The following ARHGAP21 variants were observed in gnomAD, a reference collection of about 807,000 sequenced individuals.
The protein encoded by ARHGAP21 is rho GTPase-activating protein 21.
ARHGAP21 carries 38 observed loss-of-function variants against 164.6 expected under a neutral mutation model. That is an observed-to-expected ratio of 0.23 (90% CI 0.18 to 0.30). The LOEUF (loss-of-function observed/expected upper bound fraction) is 0.30, where lower values mean the gene tolerates loss of function less well. Ranked by LOEUF, ARHGAP21 falls within the 10% of genes least tolerant of loss-of-function variation. ARHGAP21 has a pLI of 1.00. For synonymous variants in ARHGAP21, 766 were observed against 857.9 expected (o/e 0.89, Z 1.87); for missense variants, 1,822 against 2,370.7 (o/e 0.77, Z 4.81).
At chr10:24,607,959 A>G (rs1261368233) in intron 9 of ARHGAP21, 56 bp from the exon 10 acceptor site, 7 of 1,485,690 alleles carry the variant, frequency 4.7e-6, no homozygotes, top group Non-Finnish European at 4.5e-6. Context: ...ATTAATAATA[A>G]AACTCAGTCA....
chr10:24,637,487 A>G (rs1463683172), intron 4 of ARHGAP21, among the ~76,000 whole-genome samples: 1 of 152,196 alleles, frequency 6.6e-6, no homozygotes, highest in Non-Finnish European at 1.5e-5. Flanking sequence ...CATTTTTCCT[A>G]TTAATGTCTT....
intron 5 of ARHGAP21, among the ~76,000 whole-genome samples, chr10:24,633,894 T>C (rs1836100165): frequency 7.5e-6 from 1 of 134,096 alleles, no homozygotes; most frequent in Non-Finnish European, 1.6e-5. Context: ...TTTTTTTTTT[T>C]TTTTTTTTTT....
intron 14 of ARHGAP21, among the ~76,000 whole-genome samples, chr10:24,600,151 G>A (rs977157720): frequency 5.9e-4 from 50 of 85,250 alleles, no homozygotes; most frequent in Admixed American, 9.8e-4. Context: ...AAAAAAAAAA[G>A]CTGACTTATG....
At chr10:24,639,383 G>A (rs1836753042) in intron 4 of ARHGAP21, among the ~76,000 whole-genome samples, 1 of 152,048 alleles carries the variant, frequency 6.6e-6, no homozygotes, top group Non-Finnish European at 1.5e-5. Context: ...TACCTCGCAA[G>A]GTTGTTGTGA....
chr10:24,592,001 T>A lies in ARHGAP21; in HGVS notation c.3888A>T (p.Arg1296Ser). ...ENSEKNKMEP[R>S]NLAIVFGPTL... ...TGGGACCAAACACTATTGCTAGGTT[T>A]CTTGGTTCCATCTGAAAGAAAGGAT... The change falls in exon 22 of 26, where the codon AGA becomes AGT. Residue 1296 changes from arginine (R) to serine (S), a missense_variant. Arg to Ser is a moderately radical substitution (Grantham distance 110, BLOSUM62 -1). Around this residue, in one of 5 missense-constraint regions of ARHGAP21, gnomAD observed 117 missense variants for 238.1 expected, o/e 0.49. Coordinates refer to ENST00000396432, the MANE Select transcript of ARHGAP21 (RefSeq NM_020824.4). The A allele has an allele frequency of 6.2e-7, 1 of 1,600,088 alleles. No homozygotes were observed. Among genetic ancestry groups the A allele is most frequent in the Non-Finnish European group, 8.5e-7 (1 of 1,174,522 alleles).
At chr10:24,696,847 C>A (rs1486583288) in intron 2 of ARHGAP21, among the ~76,000 whole-genome samples, 1 of 152,204 alleles carries the variant, frequency 6.6e-6, no homozygotes, top group Non-Finnish European at 1.5e-5. Flanking sequence ...GCCCACAGGA[C>A]ACTCCGTGTA....
intron 4 of ARHGAP21, among the ~76,000 whole-genome samples, chr10:24,662,963 G>GT (rs1839854271): frequency 4.0e-5 from 3 of 74,178 alleles, no homozygotes; most frequent in East Asian, 6.6e-4. Context: ...CAGATATGCG[G>GT]ATTTTTTTTT....
intron 2 of ARHGAP21, among the ~76,000 whole-genome samples, chr10:24,695,044 C>T (rs1451254209): frequency 2.0e-5 from 1 of 49,224 alleles, no homozygotes; most frequent in East Asian, 9.2e-4. Context: ...GAGCAAAATT[C>T]CATCTCAAAA....
In ARHGAP21 at chr10:24,723,111, C is replaced by T. The variant is rs147594433; in HGVS notation, c.-381+451G>A. Reference sequence around the variant, plus strand: ...AGAGCGGCCCCAATATGGACTTTCTCAAAGGTGCTAGGAGCCCCGGGGCGA... The same window carrying T: ...AGAGCGGCCCCAATATGGACTTTCTTAAAGGTGCTAGGAGCCCCGGGGCGA... On this transcript the variant is annotated intron_variant, in intron 1 of 25. Transcript: ENST00000396432. The T allele has an allele frequency of 3.1e-3, 473 of 151,838 alleles. 2 individuals are homozygous for T. Among genetic ancestry groups the T allele is most frequent in the African/African-American group, 0.011 (445 of 41,474 alleles). 9.4% of individuals were successfully genotyped at this position (151,838 alleles called of 1,614,324 possible). A position where few individuals can be genotyped will look rare whatever the true frequency, so the allele number is the denominator to read the frequency against.
chr10:24,701,431 T>C (rs1019428181), intron 2 of ARHGAP21, among the ~76,000 whole-genome samples: 9 of 151,536 alleles, frequency 5.9e-5, no homozygotes, highest in Admixed American at 5.9e-4. Context: ...AAAAAAAAAG[T>C]GCCTTCTTTA....
intron 21 of ARHGAP21, among the ~76,000 whole-genome samples, chr10:24,593,649 CAA>C (rs529799301): frequency 4.8e-4 from 70 of 145,080 alleles, no homozygotes; most frequent in African/African-American, 1.8e-3. Flanking sequence ...ATTAAAGACA[CAA>C]AAAATTCTTC....
Position 24,622,806 on chromosome 10 carries a change from T to C in ARHGAP21, c.496-44A>G, listed in dbSNP as rs769478266. The C allele has an allele frequency of 1.0e-5, 16 of 1,577,708 alleles. No individual in the cohort carries two copies. In the South Asian group the frequency reaches 1.3e-4, roughly 12 times the overall value. On this transcript the variant is annotated intron_variant, in intron 7 of 25. Coordinates refer to ENST00000396432, the MANE Select transcript of ARHGAP21 (RefSeq NM_020824.4). ...ACATAGTAGAAGCTGCTTACTGATA[T>C]AAAGACAAAATCATGTTGTCATATT...
chr10:24,655,845 G>C (rs1838784478), intron 4 of ARHGAP21, among the ~76,000 whole-genome samples: 1 of 134,458 alleles, frequency 7.4e-6, no homozygotes, highest in Non-Finnish European at 1.6e-5. Context: ...TCTGAGATGT[G>C]GGGAGCGCCT....
intron 9 of ARHGAP21, among the ~76,000 whole-genome samples, chr10:24,616,456 T>C (rs758338106): frequency 6.6e-6 from 1 of 152,202 alleles, no homozygotes; most frequent in Non-Finnish European, 1.5e-5. Context: ...GTATGGACAA[T>C]GTAATCCAGC....
At chr10:24,681,923 G>C (rs1841799676) in intron 2 of ARHGAP21, among the ~76,000 whole-genome samples, 1 of 152,064 alleles carries the variant, frequency 6.6e-6, no homozygotes, top group African/African-American at 2.4e-5. Context: ...ACTCTGACTA[G>C]ACTGCCCGGG....
chr10:24,669,664 C>A (rs1335056936), intron 3 of ARHGAP21, among the ~76,000 whole-genome samples: 1 of 152,176 alleles, frequency 6.6e-6, no homozygotes, highest in South Asian at 2.1e-4. Flanking sequence ...GAACACAGAG[C>A]AAGTACCCAG....
intron 4 of ARHGAP21, among the ~76,000 whole-genome samples, chr10:24,654,203 T>C (rs1283794811): frequency 6.6e-6 from 1 of 152,202 alleles, no homozygotes; most frequent in African/African-American, 2.4e-5. Flanking sequence ...AGCATTCCCT[T>C]TGAAAACTGG....
At chr10:24,706,569 G>A (rs2132181812) in intron 2 of ARHGAP21, 1 of 152,774 alleles carries the variant, frequency 6.5e-6, no homozygotes, top group Non-Finnish European at 1.5e-5. Flanking sequence ...GGTTGATCAT[G>A]CAGTCTAAAA....
rs567897352 is a variant in ARHGAP21 at position 24,719,769 on chromosome 10, A to C, written c.63+2068T>G. Among the ~76,000 whole-genome samples the C allele has an allele frequency of 2.0e-5, 3 of 152,322 alleles. No homozygotes were observed. In the South Asian group the frequency reaches 6.2e-4, roughly 32 times the overall value. ...GTATTTCATTAGCAACTAACTCCCT[A>C]TTACTAAAAAATATTCACAAGATTT... On this transcript the variant is annotated intron_variant, in intron 2 of 25. Coordinates refer to ENST00000396432, the MANE Select transcript of ARHGAP21 (RefSeq NM_020824.4).
Sources: gnomAD v4.1 joint callset for allele counts (sites outside exome capture counted in the v4.1 genomes callset) on GRCh38, gnomAD v4.1.1 for gene constraint, gnomAD v4.1.1 regional missense constraint, MANE v1.5 for transcripts, NCBI Gene and HGNC (gene_info 2026-07-23, HGNC 2026-07-21) for gene names.